Variants in NPAS3 observed in about 807,000 individuals in gnomAD.
NPAS3 encodes neuronal PAS domain-containing protein 3.
A neutral mutation model predicts 73.1 loss-of-function variants in NPAS3; 14 were observed. The observed-to-expected ratio is 0.19, with a 90% CI of 0.13 to 0.30. NPAS3 has a LOEUF of 0.30. NPAS3 is among the 10% of genes least tolerant of loss of function. The pLI, the probability that NPAS3 is intolerant of heterozygous loss-of-function variation, is 1.00. For synonymous variants in NPAS3, 620 were observed against 541.5 expected (o/e 1.14, Z -2.01); for missense variants, 1,096 against 1,250.0 (o/e 0.88, Z 1.86).
At chr14:33,633,034 A>G (rs1461669420) in intron 5 of NPAS3, among the ~76,000 whole-genome samples, 1 of 152,220 alleles carries the variant, frequency 6.6e-6, no homozygotes, top group Non-Finnish European at 1.5e-5. Context: ...CCGTAACAAT[A>G]AAAAATAACA....
At chr14:33,149,281 C>T (rs2044360568) in intron 2 of NPAS3, among the ~76,000 whole-genome samples, 1 of 152,200 alleles carries the variant, frequency 6.6e-6, no homozygotes, top group Admixed American at 6.5e-5. Context: ...TCTTGTTATT[C>T]CGAAGTGTTC....
chr14:33,762,348 T>TG (rs375729093), intron 7 of NPAS3, among the ~76,000 whole-genome samples: 12 of 152,332 alleles, frequency 7.9e-5, no homozygotes, highest in South Asian at 4.1e-4. Flanking sequence ...CTAGTGCTTA[T>TG]GATGTTCTTG....
chr14:33,666,687 C>T (rs1595393256), intron 5 of NPAS3, among the ~76,000 whole-genome samples: 1 of 152,172 alleles, frequency 6.6e-6, no homozygotes, highest in Non-Finnish European at 1.5e-5. Context: ...TTTTTCTTCT[C>T]TCTCCAAAGT....
At chr14:33,103,052 T>G (rs544944878) in intron 2 of NPAS3, among the ~76,000 whole-genome samples, 1 of 152,274 alleles carries the variant, frequency 6.6e-6, no homozygotes, top group Non-Finnish European at 1.5e-5. Context: ...AGTGGTAAGT[T>G]TATAAGGAAT....
At chr14:33,042,527 C>G (rs1358920658) in intron 1 of NPAS3, among the ~76,000 whole-genome samples, 1 of 152,140 alleles carries the variant, frequency 6.6e-6, no homozygotes, top group African/African-American at 2.4e-5. Flanking sequence ...AAAACCTTTG[C>G]CAAAATATCA....
rs537504309 is a variant in NPAS3 at position 33,609,857 on chromosome 14, A to G, written c.558+49647A>G. On this transcript the variant is annotated intron_variant, in intron 5 of 11. Transcript: ENST00000356141. ...TGACTCCAATCAGGAGTTCGCAAGCATCATCCCCCAGATGTCCTAATGCCA... is the reference window on the plus strand; with the variant it reads ...TGACTCCAATCAGGAGTTCGCAAGCGTCATCCCCCAGATGTCCTAATGCCA... Among the ~76,000 whole-genome samples the G allele has an allele frequency of 2.0e-5, 3 of 152,328 alleles. No individual in the cohort carries two copies. The East Asian group carries it at 5.8e-4, about 29-fold the overall frequency.
At chr14:33,213,793 T>C (rs985794001) in intron 2 of NPAS3, 8 of 152,184 alleles carry the variant, frequency 5.3e-5, no homozygotes, top group African/African-American at 1.9e-4. Context: ...ATAAAACTGG[T>C]TGGGTATTAG....
At chr14:32,951,457 G>A (rs1411801274) in intron 1 of NPAS3, among the ~76,000 whole-genome samples, 1 of 151,980 alleles carries the variant, frequency 6.6e-6, no homozygotes. Context: ...TCTTTGAAAG[G>A]AAACATCTTA....
At chr14:33,469,991 G>A (rs2050711005) in intron 4 of NPAS3, among the ~76,000 whole-genome samples, 1 of 152,148 alleles carries the variant, frequency 6.6e-6, no homozygotes, top group South Asian at 2.1e-4. Context: ...ATAGTCTGCA[G>A]CCACACTCCA....
At chr14:33,417,118 T>A (rs1594870088) in intron 4 of NPAS3, among the ~76,000 whole-genome samples, 1 of 152,018 alleles carries the variant, frequency 6.6e-6, no homozygotes, top group Non-Finnish European at 1.5e-5. Context: ...GCCTAATTGA[T>A]AGATATGTAT....
At chr14:33,198,831 T>C (rs2046489273) in intron 2 of NPAS3, among the ~76,000 whole-genome samples, 1 of 152,188 alleles carries the variant, frequency 6.6e-6, no homozygotes, top group African/African-American at 2.4e-5. Context: ...TGGAGCCCAC[T>C]GTGGGGGAGC....
At chr14:32,962,569 C>CTTTTTTTTTTTTTTTT (rs71432096) in intron 1 of NPAS3, among the ~76,000 whole-genome samples, 119 of 110,610 alleles carry the variant, frequency 1.1e-3, no homozygotes, top group East Asian at 2.1e-3. Flanking sequence ...TTTTTCTTTT[C>CTTTTTTTTTTTTTTTT]TTTTTTTTTT....
rs116931451 is a variant in NPAS3 at position 33,638,173 on chromosome 14, C to T, written c.559-38038C>T. On this transcript the variant is annotated intron_variant, in intron 5 of 11. Transcript: ENST00000356141. ...CCAAGCACTAGTGACTGTTTGAATT[C>T]GGTCTAATCAAATTTTTCCTTTTTA... Among the ~76,000 whole-genome samples the T allele has an allele frequency of 9.3e-3, 1,409 of 152,240 alleles. 42 individuals carry two copies. In the East Asian group the frequency reaches 0.12, roughly 13 times the overall value.
rs193180273 is a variant in NPAS3 at position 33,659,041 on chromosome 14, G to A, written c.559-17170G>A. Among the ~76,000 whole-genome samples the A allele has an allele frequency of 5.3e-5, 8 of 152,136 alleles. No homozygotes were observed. The South Asian group carries it at 6.2e-4, about 12-fold the overall frequency. Reference sequence around the variant, plus strand: ...CATTTCTCAATACAATTTCAATGCCGTTTTTTCACTTACTTGCTCATTCGT... The same window carrying A: ...CATTTCTCAATACAATTTCAATGCCATTTTTTCACTTACTTGCTCATTCGT... On this transcript the variant is annotated intron_variant, in intron 5 of 11. Coordinates refer to ENST00000356141, the Ensembl canonical transcript of NPAS3.
intron 3 of NPAS3, among the ~76,000 whole-genome samples, chr14:33,273,799 G>A (rs1396949054): frequency 2.6e-5 from 4 of 152,112 alleles, no homozygotes; most frequent in Non-Finnish European, 5.9e-5. Context: ...CTCCAGGACC[G>A]GAATAAGTGC....
intron 3 of NPAS3, among the ~76,000 whole-genome samples, chr14:33,263,495 C>G (rs138268506): frequency 0.032 from 4,800 of 152,222 alleles, 204 homozygotes; most frequent in East Asian, 0.21. Flanking sequence ...GTTTTGGTAC[C>G]AGTACCACGC....
At chr14:33,538,128 T>C (rs1479284437) in intron 4 of NPAS3, among the ~76,000 whole-genome samples, 2 of 152,184 alleles carry the variant, frequency 1.3e-5, no homozygotes, top group African/African-American at 2.4e-5. Context: ...GAAACTCTTA[T>C]TGTTATGTAT....
intron 3 of NPAS3, among the ~76,000 whole-genome samples, chr14:33,227,337 T>G (rs1280619165): frequency 1.3e-5 from 2 of 152,204 alleles, no homozygotes; most frequent in Non-Finnish European, 2.9e-5. Flanking sequence ...CTGAATTTGT[T>G]GCTATACGAA....
intron 4 of NPAS3, among the ~76,000 whole-genome samples, chr14:33,527,042 A>G (rs551354073): frequency 2.7e-4 from 41 of 152,158 alleles, no homozygotes; most frequent in Non-Finnish European, 5.3e-4. Flanking sequence ...CATTCCTTGA[A>G]TACCAGTATT....
Sources: allele counts gnomAD v4.1 joint callset (sites outside exome capture counted in the v4.1 genomes callset), GRCh38; gene constraint gnomAD v4.1.1; transcripts MANE v1.5; gene names NCBI Gene and HGNC (gene_info 2026-07-23, HGNC 2026-07-21).